Variants in TBC1D10A observed in about 807,000 individuals in gnomAD.
TBC1D10A encodes EBP50-PDX interactor of 64 kDa.
Under a neutral mutation model 52.9 loss-of-function variants are expected in TBC1D10A, and 24 were observed. The observed-to-expected ratio is 0.45, with a 90% confidence interval of 0.33 to 0.64. The LOEUF is 0.64. TBC1D10A is among the 30% of genes least tolerant of loss of function. TBC1D10A has a pLI of 0.02. For missense variants in TBC1D10A, 602 were observed against 687.9 expected, an observed-to-expected ratio of 0.88 and a Z score of 1.40; for synonymous variants, 278 against 282.9, an observed-to-expected ratio of 0.98 and a Z score of 0.17.
intron 8 of TBC1D10A, 47 bp from the exon 9 acceptor site, chr22:30,292,898 T>G (rs370881082): frequency 1.3e-6 from 2 of 1,591,446 alleles, no homozygotes; most frequent in Non-Finnish European, 1.7e-6. Context: ...AAGAAGGACC[T>G]TCCCCTTCTG....
intron 2 of TBC1D10A, 181 bp from the exon 3 acceptor site, chr22:30,299,732 C>T (rs1930161623): frequency 6.0e-6 from 3 of 500,870 alleles, no homozygotes; most frequent in South Asian, 4.4e-5. Flanking sequence ...TTTGGGAGGC[C>T]GAGGCGGGTG....
intron 1 of TBC1D10A, among the ~76,000 whole-genome samples, chr22:30,323,405 G>A (rs530412811): frequency 4.6e-5 from 7 of 152,200 alleles, no homozygotes; most frequent in Non-Finnish European, 1.0e-4. Context: ...CGAAAGTGCT[G>A]AGCTAAGTCA....
At chr22:30,314,588 T>C (rs897261038) in intron 1 of TBC1D10A, among the ~76,000 whole-genome samples, 3 of 151,948 alleles carry the variant, frequency 2.0e-5, no homozygotes, top group African/African-American at 4.8e-5. Flanking sequence ...GGCCAGAGGA[T>C]TGCTTGAGGC....
In TBC1D10A at chr22:30,293,840, T is replaced by C. The variant is rs770448934; in HGVS notation, c.896-35A>G. ...GGATGGGCAGTAAGTACAAGGAAGC[T>C]TTTTGGGGTTTCTCTGCAAAGAGAG... On this transcript the variant is annotated intron_variant, in intron 7 of 8. Transcript: ENST00000215790. 5.0e-6 allele frequency: 8 copies of C among 1,601,702 alleles called. No homozygotes were observed. In the East Asian group the frequency reaches 1.8e-4, roughly 36 times the overall value.
At chr22:30,326,310 G>C (rs1014681891) in intron 1 of TBC1D10A, among the ~76,000 whole-genome samples, 1 of 151,788 alleles carries the variant, frequency 6.6e-6, no homozygotes. Flanking sequence ...AGCCTGTCGG[G>C]GTGGCAGAAA....
intron 1 of TBC1D10A, among the ~76,000 whole-genome samples, chr22:30,322,739 G>A (rs909830514): frequency 6.7e-6 from 1 of 150,284 alleles, no homozygotes; most frequent in African/African-American, 2.5e-5. Context: ...AGGACTATAG[G>A]TGCATGACAC....
Position 30,292,457 on chromosome 22 carries a change from T to C in TBC1D10A, c.1445A>G (p.Gln482Arg). The C allele has an allele frequency of 6.2e-7, 1 of 1,603,712 alleles. No individual in the cohort carries two copies. Among genetic ancestry groups the C allele is most frequent in the Non-Finnish European group, 8.5e-7 (1 of 1,174,198 alleles). ...KDSAPKDSAP[Q>R]DLAPQVSAHH... is the part of the protein sequence containing the mutation. ...GGCTGAGACCTGGGGAGCCAAATCC[T>C]GAGGGGCTGAGTCCTTGGGGGCTGA... The change falls in exon 9 of 9, where the codon CAG becomes CGG. Residue 482 changes from glutamine (Q) to arginine (R), a missense_variant. Transcript: ENST00000215790.
rs779296181 is a variant in TBC1D10A at position 30,292,396 on chromosome 22, C to G, written c.1506G>C (p.Glu502Asp). Residue 502 changes from glutamate to aspartate, a missense_variant, in exon 9 of 9, where the codon GAG (glutamate) becomes GAC (aspartate). Physicochemically the swap from Glu to Asp is conservative, Grantham distance 45 (BLOSUM62 2). This residue lies in a region of TBC1D10A where 265 missense variants were observed against 275.1 expected (regional missense o/e 0.96). Transcript: ENST00000215790. ...AGGGTTACAAGTAGGTGTCCTCACT[C>G]TCTTGGGACGTCAAGCTCTCCTGGG... is the stretch of plus-strand genomic sequence containing the variant. ...HRSQESLTSQ[E>D]SEDTYL The G allele has an allele frequency of 1.5e-5, 23 of 1,566,932 alleles. No individual in the cohort carries two copies. In the Admixed American group the frequency reaches 3.5e-4, roughly 24 times the overall value.
At chr22:30,321,406 G>T (rs1930649520) in intron 1 of TBC1D10A, among the ~76,000 whole-genome samples, 1 of 152,212 alleles carries the variant, frequency 6.6e-6, no homozygotes, top group Admixed American at 6.5e-5. Flanking sequence ...ACTAACTAGA[G>T]AATAAGGCAA....
At chr22:30,323,489 G>T (rs1320699785) in intron 1 of TBC1D10A, among the ~76,000 whole-genome samples, 5 of 152,218 alleles carry the variant, frequency 3.3e-5, no homozygotes, top group Non-Finnish European at 7.3e-5. Flanking sequence ...ATCCTGCAGG[G>T]ACGAAAGGCC....
At chr22:30,293,146 G>T (rs1929989146) in intron 8 of TBC1D10A, 1 of 630,078 alleles carries the variant, frequency 1.6e-6, no homozygotes, top group South Asian at 1.8e-5. Context: ...ACAAAAACCT[G>T]CTCTCTGCCA....
intron 1 of TBC1D10A, among the ~76,000 whole-genome samples, chr22:30,305,996 A>G (rs1930302943): frequency 6.6e-6 from 1 of 152,202 alleles, no homozygotes; most frequent in African/African-American, 2.4e-5. Flanking sequence ...AGCAAGGACC[A>G]CGCCTTTACA....
At chr22:30,320,991 C>T (rs913707705) in intron 1 of TBC1D10A, among the ~76,000 whole-genome samples, 1 of 152,238 alleles carries the variant, frequency 6.6e-6, no homozygotes, top group African/African-American at 2.4e-5. Flanking sequence ...CACAGCCAGG[C>T]CTCACTGCCC....
At chr22:30,305,788 A>G (rs1175910191) in intron 1 of TBC1D10A, among the ~76,000 whole-genome samples, 1 of 152,184 alleles carries the variant, frequency 6.6e-6, no homozygotes, top group Non-Finnish European at 1.5e-5. Context: ...TCTTCAGTGC[A>G]TTTTATCTGG....
At chr22:30,324,181 C>T (rs1038406499) in intron 1 of TBC1D10A, among the ~76,000 whole-genome samples, 3 of 152,176 alleles carry the variant, frequency 2.0e-5, no homozygotes, top group African/African-American at 7.2e-5. Context: ...ACCATCTCCA[C>T]AGTACCCATG....
chr22:30,294,144 G>A (rs1381341802), intron 6 of TBC1D10A, 34 bp from the exon 7 acceptor site: 13 of 1,604,048 alleles, frequency 8.1e-6, no homozygotes, highest in East Asian at 4.5e-5. Context: ...GACCATGACC[G>A]TGGGCTGCAG....
At chr22:30,309,953 A>G (rs1373376408) in intron 1 of TBC1D10A, among the ~76,000 whole-genome samples, 1 of 152,064 alleles carries the variant, frequency 6.6e-6, no homozygotes, top group East Asian at 1.9e-4. Context: ...ATACCAAGGA[A>G]CCCGTCTAAA....
chr22:30,326,657 C>A lies in TBC1D10A; in HGVS notation c.209+16G>T. On this transcript the variant is annotated intron_variant, in intron 1 of 8. Transcript: ENST00000215790. The stretch of plus-strand genomic sequence containing the variant: ...CGTGGGTGGCGCGCTCAGTCCCGAC[C>A]CCCGGCGCTACTCACGCGCCCTCGG... 6.4e-7 allele frequency: 1 copy of A among 1,556,610 alleles called. No individual in the cohort carries two copies. The highest frequency in any genetic ancestry group is 1.4e-5 in the African/African-American group (1 of 70,988).
chr22:30,322,838 G>A (rs1449251905), intron 1 of TBC1D10A, among the ~76,000 whole-genome samples: 3 of 148,658 alleles, frequency 2.0e-5, no homozygotes, highest in Admixed American at 1.3e-4. Flanking sequence ...TCAAGCGATC[G>A]CCTGCCTCAG....
Sources: gnomAD v4.1 joint callset for allele counts (sites outside exome capture counted in the v4.1 genomes callset) on GRCh38, gnomAD v4.1.1 for gene constraint, gnomAD v4.1.1 regional missense constraint, MANE v1.5 for transcripts, NCBI Gene and HGNC (gene_info 2026-07-23, HGNC 2026-07-21) for gene names.